DMD: variants seen among roughly 807,000 people sequenced by gnomAD.
DMD encodes the protein dystrophin, also known as mutant dystrophin.
In DMD, 63 loss-of-function variants were observed where a neutral mutation model predicts 330.1. The observed-to-expected ratio is 0.19, with a 90% CI of 0.16 to 0.24. The LOEUF is 0.24. DMD is among the 10% of genes least tolerant of loss of function. DMD has a pLI of 1.00. For missense variants in DMD, 3,344 were observed against 2,684.1 expected (o/e 1.25, Z -5.43); for synonymous variants, 1,223 against 959.8 (o/e 1.27, Z -5.07).
chrX:32,375,119 C>A (rs777039285), intron 34 of DMD, among the ~76,000 whole-genome samples: 93 of 110,819 alleles, frequency 8.4e-4, no homozygotes, highest in Non-Finnish European at 1.5e-3. Context: ...TTTGGTTCCA[C>A]TTTGATGAAA....
rs150933441 is a variant in DMD at position 31,249,048 on chromosome X, G to C, written c.9286+11907C>G. 2.4e-3 allele frequency among the ~76,000 whole-genome samples: 263 copies of C among 111,846 alleles called. 1 individual carries two copies. Among genetic ancestry groups the C allele is most frequent in the Non-Finnish European group, 4.1e-3 (220 of 53,188 alleles). ...CAATTTCCCGCATTAAATTCCCTTT[G>C]TTTGAAATAACTAGAGGGTTTATGT... On this transcript the variant is annotated intron_variant, in intron 63 of 78. Transcript: ENST00000357033.
rs564385292 is a variant in DMD, at chrX:32,995,882, C to G, written c.93+24257G>C. On this transcript the variant is annotated intron_variant, in intron 2 of 78. Transcript: ENST00000357033. ...CTCTGGCCTTTGATATGGTAAACTG[C>G]CAATTATAGCTATCTAGCTCGGATT... 2.4e-3 allele frequency among the ~76,000 whole-genome samples: 270 copies of G among 111,819 alleles called. 1 individual carries two copies. The highest frequency in any genetic ancestry group is 8.3e-3 in the African/African-American group (255 of 30,842).
At chrX:32,865,100 T>A (rs1388076984) in intron 2 of DMD, among the ~76,000 whole-genome samples, 1 of 111,571 alleles carries the variant, frequency 9.0e-6, no homozygotes, top group Non-Finnish European at 1.9e-5. Context: ...CACTGATAAA[T>A]TACATAGCAC....
At chrX:31,174,618 G>A (rs2040330983) in intron 71 of DMD, among the ~76,000 whole-genome samples, 2 of 111,542 alleles carry the variant, frequency 1.8e-5, no homozygotes, top group Admixed American at 1.9e-4. Flanking sequence ...AAAAGTCAAC[G>A]ATAATGTAAT....
In DMD at chrX:32,682,676, C is replaced by T. The variant is rs760765081; in HGVS notation, c.960+15194G>A. Among the ~76,000 whole-genome samples, 20 of 112,027 alleles carry T rather than the reference C, an allele frequency of 1.8e-4. No individual in the cohort carries two copies. In the East Asian group the frequency reaches 2.2e-3, roughly 13 times the overall value. Reference sequence around the variant, plus strand: ...TTTTGTCCTTAGATGTTTCTGACAACATAAATTTAGCAGTGTAGCAGTTAT... The same window carrying T: ...TTTTGTCCTTAGATGTTTCTGACAATATAAATTTAGCAGTGTAGCAGTTAT... On this transcript the variant is annotated intron_variant, in intron 9 of 78. Transcript: ENST00000357033.
At chrX:31,731,989 A>G (rs940675833) in intron 51 of DMD, among the ~76,000 whole-genome samples, 2 of 111,346 alleles carry the variant, frequency 1.8e-5, no homozygotes, top group Non-Finnish European at 3.8e-5. Context: ...GACTCAAAAC[A>G]AGCCATTTTC....
At chrX:31,217,330 T>C (rs1191093143) in intron 64 of DMD, among the ~76,000 whole-genome samples, 3 of 112,010 alleles carry the variant, frequency 2.7e-5, no homozygotes, top group Admixed American at 1.9e-4. Context: ...GGGGACATTA[T>C]AGGCCAACGG....
intron 41 of DMD, among the ~76,000 whole-genome samples, chrX:32,334,292 T>C (rs1290095782): frequency 9.0e-6 from 1 of 110,892 alleles, no homozygotes; most frequent in Non-Finnish European, 1.9e-5. Flanking sequence ...TATTAGTCTT[T>C]TGTATTTACA....
At chrX:31,214,785 T>C (rs1221744491) in intron 64 of DMD, among the ~76,000 whole-genome samples, 1 of 110,339 alleles carries the variant, frequency 9.1e-6, no homozygotes, top group Non-Finnish European at 1.9e-5. Context: ...AATTGTTAAG[T>C]TGAAACTTCA....
At chrX:32,639,133 A>G (rs1006179865) in intron 11 of DMD, among the ~76,000 whole-genome samples, 67 of 111,916 alleles carry the variant, frequency 6.0e-4, no homozygotes, top group Admixed American at 1.9e-4. Context: ...TGTCCTAACT[A>G]CAATTATCAG....
chrX:33,111,726 C>T (rs2095341136), intron 1 of DMD, among the ~76,000 whole-genome samples: 1 of 110,991 alleles, frequency 9.0e-6, no homozygotes, highest in Non-Finnish European at 1.9e-5. Flanking sequence ...CCTGACTCAG[C>T]CTCCCAAGTA....
chrX:31,457,208 GTGTT>G (rs2066247181), intron 59 of DMD, among the ~76,000 whole-genome samples: 1 of 110,990 alleles, frequency 9.0e-6, no homozygotes, highest in African/African-American at 3.3e-5. Flanking sequence ...GAGACACAGA[GTGTT>G]TGTATGCAGA....
intron 42 of DMD, among the ~76,000 whole-genome samples, chrX:32,294,612 A>G (rs2097487891): frequency 1.8e-5 from 2 of 111,612 alleles, no homozygotes; most frequent in Admixed American, 1.9e-4. Flanking sequence ...TCTATCTTAA[A>G]GGAGAAAAGC....
intron 1 of DMD, among the ~76,000 whole-genome samples, chrX:33,085,351 ATTTACT>A (rs1177290518): frequency 8.2e-4 from 92 of 111,583 alleles, no homozygotes; most frequent in African/African-American, 2.8e-3. Context: ...CTAATTAGAA[ATTTACT>A]TTTACTATAG....
intron 62 of DMD, among the ~76,000 whole-genome samples, chrX:31,273,515 G>A (rs1431223027): frequency 8.9e-6 from 1 of 111,949 alleles, no homozygotes; most frequent in Admixed American, 9.5e-5. Flanking sequence ...AAATGCTAAT[G>A]TAACCATTGT....
rs181801473 is a variant in DMD, at chrX:33,012,817, A to C, written c.93+7322T>G. Among the ~76,000 whole-genome samples, 5 of 111,278 alleles carry C rather than the reference A, an allele frequency of 4.5e-5. No homozygotes were observed. The East Asian group carries it at 1.4e-3, about 32-fold the overall frequency. Reference sequence around the variant, plus strand: ...TTCGAAGGTTAGGTATATTAAAGGCATTTTTGACTTGTGATATTTTCAACT... The same window carrying C: ...TTCGAAGGTTAGGTATATTAAAGGCCTTTTTGACTTGTGATATTTTCAACT... On this transcript the variant is annotated intron_variant, in intron 2 of 78. Transcript: ENST00000357033.
intron 52 of DMD, among the ~76,000 whole-genome samples, chrX:31,729,410 A>G (rs1394422398): frequency 2.7e-5 from 3 of 112,141 alleles, no homozygotes; most frequent in African/African-American, 9.7e-5. Context: ...GCAACTATAT[A>G]AGCCCTGAAT....
At chrX:31,794,906 A>G (rs921314845) in intron 50 of DMD, among the ~76,000 whole-genome samples, 1 of 111,896 alleles carries the variant, frequency 8.9e-6, no homozygotes, top group Non-Finnish European at 1.9e-5. Flanking sequence ...TAAATTGTAT[A>G]TGATTAACTT....
intron 9 of DMD, among the ~76,000 whole-genome samples, chrX:32,692,128 G>C (rs895298195): frequency 8.9e-6 from 1 of 112,026 alleles, no homozygotes; most frequent in Admixed American, 9.5e-5. Context: ...TTAAAAATCA[G>C]TTAAGAGGGT....
Sources: allele counts gnomAD v4.1 joint callset (sites outside exome capture counted in the v4.1 genomes callset), GRCh38; gene constraint gnomAD v4.1.1; transcripts MANE v1.5; gene names NCBI Gene and HGNC (gene_info 2026-07-23, HGNC 2026-07-21).